The following STAM variants were observed in gnomAD, a reference collection of about 807,000 sequenced individuals.
STAM encodes signal transducing adapter molecule 1.
A neutral mutation model predicts 63.4 loss-of-function variants in STAM; 16 were observed. That is an observed-to-expected ratio of 0.25 (90% CI 0.17 to 0.38). The LOEUF (loss-of-function observed/expected upper bound fraction) is 0.38, where lower values mean the gene tolerates loss of function less well. STAM is among the 10% of genes least tolerant of loss of function. The pLI, the probability that STAM is intolerant of heterozygous loss-of-function variation, is 1.00. For missense variants in STAM, 636 were observed against 657.1 expected (o/e 0.97, Z 0.35); for synonymous variants, 238 against 223.9 (o/e 1.06, Z -0.56).
intron 2 of STAM, among the ~76,000 whole-genome samples, chr10:17,680,914 G>T (rs1315673766): frequency 1.3e-5 from 2 of 152,178 alleles, no homozygotes; most frequent in Non-Finnish European, 2.9e-5. Flanking sequence ...TGTGAATAAT[G>T]CTGCTATGAA....
chr10:17,697,308 A>G (rs1462304860), intron 8 of STAM, among the ~76,000 whole-genome samples: 1 of 152,246 alleles, frequency 6.6e-6, no homozygotes. Flanking sequence ...CAGAATTTAT[A>G]CATTATATAT....
chr10:17,651,869 A>C (rs1554821596), intron 1 of STAM, among the ~76,000 whole-genome samples: 1 of 152,232 alleles, frequency 6.6e-6, no homozygotes, highest in Non-Finnish European at 1.5e-5. Flanking sequence ...TGTGATGCGA[A>C]GTCCTCCTGT....
At chr10:17,704,832 T>C (rs1385998792) in intron 10 of STAM, 138 bp from the exon 11 acceptor site, 20 of 732,426 alleles carry the variant, frequency 2.7e-5, no homozygotes, top group African/African-American at 2.0e-4. Flanking sequence ...TTGGGTTCTG[T>C]AGACTAAGGT....
chr10:17,690,370 G>A (rs1179040146), intron 5 of STAM, among the ~76,000 whole-genome samples: 1 of 152,172 alleles, frequency 6.6e-6, no homozygotes, highest in African/African-American at 2.4e-5. Flanking sequence ...CAATAGTAAA[G>A]ATAGGACTTA....
chr10:17,706,518 A>G (rs1312077076), intron 12 of STAM, among the ~76,000 whole-genome samples: 1 of 151,806 alleles, frequency 6.6e-6, no homozygotes, highest in Non-Finnish European at 1.5e-5. Flanking sequence ...AGCTGGGACT[A>G]CAGGCGCCCG....
At chr10:17,692,269 TATC>T (rs1835572402) in intron 5 of STAM, among the ~76,000 whole-genome samples, 1 of 152,206 alleles carries the variant, frequency 6.6e-6, no homozygotes, top group Non-Finnish European at 1.5e-5. Flanking sequence ...TTAAAGGTGT[TATC>T]ATAATAACAA....
intron 2 of STAM, among the ~76,000 whole-genome samples, chr10:17,684,070 C>T (rs1310448383): frequency 2.0e-5 from 3 of 152,100 alleles, no homozygotes; most frequent in Non-Finnish European, 2.9e-5. Context: ...TCATCTCTGA[C>T]GACTGTGTGA....
chr10:17,653,252 C>A (rs1833809142), intron 1 of STAM, among the ~76,000 whole-genome samples: 1 of 152,110 alleles, frequency 6.6e-6, no homozygotes, highest in African/African-American at 2.4e-5. Context: ...TTTCCCAGTC[C>A]ATCGAAACCT....
chr10:17,706,527 C>T (rs1433894499), intron 12 of STAM, among the ~76,000 whole-genome samples: 1 of 151,808 alleles, frequency 6.6e-6, no homozygotes, highest in Non-Finnish European at 1.5e-5. Flanking sequence ...TACAGGCGCC[C>T]GTCACCACGC....
At position 17,716,690 on chromosome 10, in the gene STAM, C is replaced by T. The variant is rs1836829489; in HGVS notation, c.*1910C>T. Among the ~76,000 whole-genome samples, 1 of 152,064 alleles carries T rather than the reference C, an allele frequency of 6.6e-6. No individual in the cohort carries two copies. Among genetic ancestry groups the T allele is most frequent in the South Asian group, 2.1e-4 (1 of 4,826 alleles). ...ATGCTGAAAATCAATGACATAGTCT[C>T]TACTATGATTTTTGCCCTATAAAAG... On this transcript the variant is annotated 3_prime_UTR_variant, in exon 14 of 14. Transcript: ENST00000377524.
rs57558567 is a variant in STAM, at chr10:17,650,699, C to G, written c.40+6320C>G. On this transcript the variant is annotated intron_variant, in intron 1 of 13. Transcript: ENST00000377524. Reference sequence around the variant, plus strand: ...GTTCTTCCCTGCTTCCAGTTTTTCCCTAGTTATTTTCCAGATGGCTGATGG... The same window carrying G: ...GTTCTTCCCTGCTTCCAGTTTTTCCGTAGTTATTTTCCAGATGGCTGATGG... 9.2e-3 allele frequency among the ~76,000 whole-genome samples: 1,393 copies of G among 152,224 alleles called. 23 individuals are homozygous for G. The highest frequency in any genetic ancestry group is 0.032 in the African/African-American group (1,320 of 41,526).
intron 2 of STAM, among the ~76,000 whole-genome samples, chr10:17,675,217 T>C (rs1834797705): frequency 6.6e-6 from 1 of 152,146 alleles, no homozygotes; most frequent in African/African-American, 2.4e-5. Flanking sequence ...GATAATAGCA[T>C]TTTTTGGCTG....
In STAM at chr10:17,700,240, G is replaced by C. The variant is rs201039968; in HGVS notation, c.873G>C (p.Glu291Asp). The part of the protein sequence containing the change: ...TVQFSDDVQV[E>D]TIEPEPEPAF... The stretch of plus-strand genomic sequence containing the variant: ...AATTTAGTGATGATGTTCAGGTAGA[G>C]ACAATAGAACCAGAGCCGGAACCAG... The change falls in exon 9 of 14, where the codon GAG becomes GAC. Residue 291 changes from glutamate to aspartate, a missense_variant. Around this residue, in one of 3 missense-constraint regions of STAM, gnomAD observed 532 missense variants for 536.9 expected, o/e 0.99. Coordinates refer to ENST00000377524, the MANE Select transcript of STAM (RefSeq NM_003473.4). 1 of 1,610,804 alleles carries C rather than the reference G, an allele frequency of 6.2e-7. No homozygotes were observed. The highest frequency in any genetic ancestry group is 2.2e-5 in the East Asian group (1 of 44,650).
intron 12 of STAM, among the ~76,000 whole-genome samples, chr10:17,706,525 C>T (rs953657003): frequency 1.3e-5 from 2 of 151,858 alleles, no homozygotes; most frequent in African/African-American, 4.8e-5. Context: ...ACTACAGGCG[C>T]CCGTCACCAC....
At chr10:17,666,400 T>TC (rs1333305334) in intron 2 of STAM, among the ~76,000 whole-genome samples, 1 of 145,472 alleles carries the variant, frequency 6.9e-6, no homozygotes, top group East Asian at 2.0e-4. Context: ...TTTTTTTTTT[T>TC]TTTTTTTTTT....
intron 4 of STAM, 36 bp from the exon 5 acceptor site, chr10:17,687,991 A>G: frequency 6.6e-7 from 1 of 1,516,556 alleles, no homozygotes. Context: ...TTGGCTAGGA[A>G]ATTGGTGCTC....
chr10:17,699,714 AGCT>A (rs1835908850), intron 8 of STAM, among the ~76,000 whole-genome samples: 1 of 152,218 alleles, frequency 6.6e-6, no homozygotes, highest in South Asian at 2.1e-4. Flanking sequence ...GATAATACAT[AGCT>A]GATTTTCCCA....
chr10:17,690,307 TG>T (rs782519517), intron 5 of STAM, among the ~76,000 whole-genome samples: 1 of 152,216 alleles, frequency 6.6e-6, no homozygotes, highest in Non-Finnish European at 1.5e-5. Flanking sequence ...ATGTCTTGAT[TG>T]GTAGAGAAAC....
At chr10:17,707,164 C>T (rs782291025) in intron 12 of STAM, among the ~76,000 whole-genome samples, 12 of 152,070 alleles carry the variant, frequency 7.9e-5, no homozygotes, top group Admixed American at 2.6e-4. Context: ...AATCCCAGCA[C>T]GTTGGGAGGC....
Sources: gnomAD v4.1 joint callset for allele counts (sites outside exome capture counted in the v4.1 genomes callset) on GRCh38, gnomAD v4.1.1 for gene constraint, gnomAD v4.1.1 regional missense constraint, MANE v1.5 for transcripts, NCBI Gene and HGNC (gene_info 2026-07-23, HGNC 2026-07-21) for gene names.